Variants in CSTF1 observed in about 807,000 individuals in gnomAD.
The protein encoded by CSTF1 is CF-1 50 kDa subunit.
CSTF1 carries 2 observed loss-of-function variants against 40.9 expected under a neutral mutation model. That is an observed-to-expected ratio of 0.05 (90% CI 0.02 to 0.15). CSTF1 has a LOEUF of 0.15. CSTF1 is among the 10% of genes least tolerant of loss of function. The pLI is 1.00. For missense variants in CSTF1, 279 were observed against 558.9 expected (o/e 0.50, Z 5.05); for synonymous variants, 218 against 207.2 (o/e 1.05, Z -0.45).
intron 2 of CSTF1, among the ~76,000 whole-genome samples, chr20:56,396,115 G>GT (rs1393417468): frequency 1.3e-5 from 2 of 152,082 alleles, no homozygotes; most frequent in Non-Finnish European, 2.9e-5. Flanking sequence ...CAGTTGTTTT[G>GT]AAATTTCCTT....
At chr20:56,400,055 G>GA (rs1374773334) in intron 5 of CSTF1, among the ~76,000 whole-genome samples, 2 of 152,154 alleles carry the variant, frequency 1.3e-5, no homozygotes, top group African/African-American at 4.8e-5. Context: ...AAAACCTCCA[G>GA]AAAATTTCTG....
intron 2 of CSTF1, among the ~76,000 whole-genome samples, chr20:56,396,156 T>C (rs1203805442): frequency 6.6e-6 from 1 of 152,230 alleles, no homozygotes; most frequent in Non-Finnish European, 1.5e-5. Flanking sequence ...ATGGGATCCT[T>C]ACCTCCACAC....
chr20:56,404,600 A>G lies in CSTF1; in HGVS notation c.*873A>G, dbSNP rs1978625894. 6.6e-6 allele frequency: 1 copy of G among 151,958 alleles called. No homozygotes were observed. 9.4% of individuals were successfully genotyped at this position (151,958 alleles called of 1,614,324 possible). A position where few individuals can be genotyped will look rare whatever the true frequency, so the allele number is the denominator to read the frequency against. ...AGGCACATAGTAACTGCATTCTCAG[A>G]AGATTTATGCAGTTAACCAATTGAT... On this transcript the variant is annotated 3_prime_UTR_variant, in exon 6 of 6. Transcript: ENST00000217109.
intron 5 of CSTF1, among the ~76,000 whole-genome samples, chr20:56,402,306 CAAAA>C (rs768794348): frequency 6.0e-4 from 73 of 122,648 alleles, no homozygotes; most frequent in African/African-American, 1.7e-3. Flanking sequence ...GACTCTATCT[CAAAA>C]AAAAAAAAAA....
intron 1 of CSTF1, among the ~76,000 whole-genome samples, chr20:56,394,134 T>A (rs1195230042): frequency 6.6e-6 from 1 of 152,238 alleles, no homozygotes; most frequent in East Asian, 1.9e-4. Context: ...ATAGACCTAC[T>A]ATGTTCATGT....
chr20:56,395,118 G>A (rs964096984), intron 1 of CSTF1, among the ~76,000 whole-genome samples: 1 of 152,190 alleles, frequency 6.6e-6, no homozygotes, highest in Non-Finnish European at 1.5e-5. Flanking sequence ...TGACAAAATA[G>A]CAGCTATCTT....
chr20:56,398,124 C>T (rs1233483484), intron 4 of CSTF1, among the ~76,000 whole-genome samples: 2 of 152,080 alleles, frequency 1.3e-5, no homozygotes, highest in African/African-American at 4.8e-5. Flanking sequence ...AAACAAAACA[C>T]GACCAGCTTC....
intron 5 of CSTF1, among the ~76,000 whole-genome samples, chr20:56,402,931 C>CT (rs1284106220): frequency 1.2e-4 from 16 of 132,992 alleles, no homozygotes; most frequent in Non-Finnish European, 2.2e-4. Context: ...GAGACTCTGT[C>CT]TAAAAAAAAA....
At chr20:56,396,401 T>C (rs1167696877) in intron 2 of CSTF1, among the ~76,000 whole-genome samples, 1 of 152,222 alleles carries the variant, frequency 6.6e-6, no homozygotes, top group Non-Finnish European at 1.5e-5. Flanking sequence ...TGGAATTAGC[T>C]GTAAATTTTT....
At chr20:56,398,343 A>G (rs1036442523) in intron 4 of CSTF1, among the ~76,000 whole-genome samples, 1 of 152,142 alleles carries the variant, frequency 6.6e-6, no homozygotes, top group Non-Finnish European at 1.5e-5. Context: ...CCAAAGTGGG[A>G]GGATCACTTG....
At position 56,399,446 on chromosome 20, in the gene CSTF1, A is replaced by G. The variant is rs1978359712; in HGVS notation, c.1036+89A>G. 1.7e-6 allele frequency: 2 copies of G among 1,144,586 alleles called. No homozygotes were observed. Among genetic ancestry groups the G allele is most frequent in the East Asian group, 2.4e-5 (1 of 42,336 alleles). 70.9% of individuals were successfully genotyped at this position (1,144,586 alleles called of 1,614,324 possible). On this transcript the variant is annotated intron_variant, in intron 5 of 5. Transcript: ENST00000217109. This position sits in a 1 kb window ranked among gnomAD's most constrained non-coding sequence, Gnocchi z 4.6. Reference sequence around the variant, plus strand: ...TAAGACCTCACAATAGAGCAACACAATATCTATGCATTGAGCAAGGCAGAT... The same window carrying G: ...TAAGACCTCACAATAGAGCAACACAGTATCTATGCATTGAGCAAGGCAGAT...
chr20:56,397,826 C>A lies in CSTF1; in HGVS notation c.630C>A (p.Ala210=), dbSNP rs1040374502. Residue 210 remains alanine (A), a synonymous_variant, in exon 4 of 6, where the codon GCC becomes GCA. Coordinates refer to ENST00000217109, the MANE Select transcript of CSTF1 (RefSeq NM_001324.3). This position sits in a 1 kb window ranked among gnomAD's most constrained non-coding sequence, Gnocchi z 4.4. ...ATTCCAAACCATCAGCAAAAAGAGC[C>A]TTCAAATACATTCAGGTAGGAATCT... ...FDYSKPSAKR[A]FKYIQEAEML... The A allele has an allele frequency of 6.0e-5, 97 of 1,611,760 alleles. No individual in the cohort carries two copies. The highest frequency in any genetic ancestry group is 8.1e-5 in the Non-Finnish European group (95 of 1,178,212).
Position 56,399,310 on chromosome 20 carries a change from C to G in CSTF1, c.989C>G (p.Ala330Gly), listed in dbSNP as rs1391041267. 1.2e-6 allele frequency: 2 copies of G among 1,613,812 alleles called. No individual in the cohort carries two copies. Among genetic ancestry groups the G allele is most frequent in the South Asian group, 1.1e-5 (1 of 91,078 alleles). ...YILSSGKDSV[A>G]KLWEISTGRT... ...CTCTCAAGTGGAAAAGACTCTGTAG[C>G]TAAACTTTGGGAAATATCAACGGGA... Residue 330 changes from alanine (A) to glycine (G), a missense_variant, in exon 5 of 6, where the codon GCT becomes GGT. Physicochemically the swap from Ala to Gly is moderately conservative, Grantham distance 60. Coordinates refer to ENST00000217109, the MANE Select transcript of CSTF1 (RefSeq NM_001324.3). The surrounding 1 kb of genome is among the most constrained non-coding windows in gnomAD (Gnocchi z 4.6).
intron 5 of CSTF1, among the ~76,000 whole-genome samples, chr20:56,402,942 A>C (rs1038935589): frequency 1.3e-5 from 2 of 152,022 alleles, no homozygotes; most frequent in Admixed American, 1.3e-4. Flanking sequence ...TAAAAAAAAA[A>C]AAAAAAGATC....
Position 56,397,310 on chromosome 20 carries a change from T to C in CSTF1, c.273T>C (p.Thr91=). The change falls in exon 3 of 6, where the codon ACT becomes ACC. Residue 91 remains threonine, a synonymous_variant. Coordinates refer to ENST00000217109, the MANE Select transcript of CSTF1 (RefSeq NM_001324.3). This position sits in a 1 kb window ranked among gnomAD's most constrained non-coding sequence, Gnocchi z 4.4. ...IDLEFDADVQ[T]MSPEASEYET... is the part of the protein sequence containing the mutation. The stretch of plus-strand genomic sequence containing the variant: ...TGGAATTTGATGCAGATGTTCAGAC[T>C]ATGTCCCCAGAGGCTTCTGAGTACG... The C allele has an allele frequency of 6.2e-7, 1 of 1,614,230 alleles. No individual in the cohort carries two copies. Among genetic ancestry groups the C allele is most frequent in the Non-Finnish European group, 8.5e-7 (1 of 1,180,054 alleles).
intron 5 of CSTF1, among the ~76,000 whole-genome samples, chr20:56,400,356 G>C (rs1031927406): frequency 5.9e-5 from 9 of 152,160 alleles, no homozygotes; most frequent in Non-Finnish European, 1.0e-4. Context: ...TGAAACACTT[G>C]TATAAAGTTG....
At position 56,399,504 on chromosome 20, in the gene CSTF1, C is replaced by T. The variant is rs1196733868; in HGVS notation, c.1036+147C>T. On this transcript the variant is annotated intron_variant, in intron 5 of 5. Coordinates refer to ENST00000217109, the MANE Select transcript of CSTF1 (RefSeq NM_001324.3). This position sits in a 1 kb window ranked among gnomAD's most constrained non-coding sequence, Gnocchi z 4.6. ...TTTCTTAGATAAGAGGAAACCAAGACTTACAGGTTAAGTCATTTAGCCAAG... is the reference window on the plus strand; with the variant it reads ...TTTCTTAGATAAGAGGAAACCAAGATTTACAGGTTAAGTCATTTAGCCAAG... The T allele has an allele frequency of 1.3e-6, 1 of 770,550 alleles. No individual in the cohort carries two copies. Among genetic ancestry groups the T allele is most frequent in the Non-Finnish European group, 2.0e-6 (1 of 487,990 alleles). 47.7% of individuals were successfully genotyped at this position (770,550 alleles called of 1,614,324 possible).
intron 1 of CSTF1, among the ~76,000 whole-genome samples, chr20:56,393,131 T>TATATATATACAC (rs1555858061): frequency 1.5e-5 from 2 of 135,804 alleles, no homozygotes; most frequent in African/African-American, 5.8e-5. Flanking sequence ...TATATATATA[T>TATATATATACAC]ACACACACAC....
In CSTF1 at chr20:56,396,084, G is replaced by A. The variant is rs578203811; in HGVS notation, c.169+363G>A. 7.9e-4 allele frequency: 142 copies of A among 178,940 alleles called. 1 individual carries two copies. The highest frequency in any genetic ancestry group is 7.9e-3 in the South Asian group (47 of 5,930). The allele number at this position is 178,940 out of a possible 1,614,324, so 11.1% of individuals were successfully genotyped here. On this transcript the variant is annotated intron_variant, in intron 2 of 5. Transcript: ENST00000217109. ...GCATTTTCCCGGTTACCCTGCCATA[G>A]CGATCCCATTTGTTTTATAACAGTT...
Sources: allele counts gnomAD v4.1 joint callset (sites outside exome capture counted in the v4.1 genomes callset), GRCh38; gene constraint gnomAD v4.1.1; non-coding constraint Gnocchi (gnomAD v3.1); transcripts MANE v1.5; gene names NCBI Gene and HGNC (gene_info 2026-07-23, HGNC 2026-07-21).